TRAK1: variants seen among roughly 807,000 people sequenced by gnomAD.
TRAK1 encodes the protein trafficking kinesin-binding protein 1.
A neutral mutation model predicts 92.1 loss-of-function variants in TRAK1; 33 were observed. The observed-to-expected ratio is 0.36, with a 90% CI of 0.27 to 0.48. The LOEUF (loss-of-function observed/expected upper bound fraction) is 0.48. Ranked by LOEUF, TRAK1 falls within the 20% of genes least tolerant of loss-of-function variation. The pLI is 0.99. For synonymous variants in TRAK1, 521 were observed against 517.3 expected, an observed-to-expected ratio of 1.01 and a Z score of -0.10; for missense variants, 1,123 against 1,257.9, an observed-to-expected ratio of 0.89 and a Z score of 1.62.
At chr3:42,102,624 C>T (rs1417742194) in intron 1 of TRAK1, among the ~76,000 whole-genome samples, 2 of 152,200 alleles carry the variant, frequency 1.3e-5, no homozygotes, top group Admixed American at 1.3e-4. Context: ...AAGGGCTTCT[C>T]TGTCTGCTGA....
chr3:42,143,681 C>T (rs1487928215), intron 2 of TRAK1, among the ~76,000 whole-genome samples: 2 of 152,202 alleles, frequency 1.3e-5, no homozygotes, highest in South Asian at 4.2e-4. Context: ...TCCTGACTTT[C>T]TAGTGGCAGT....
At chr3:42,213,221 T>G (rs540673192) in intron 14 of TRAK1, among the ~76,000 whole-genome samples, 55 of 152,194 alleles carry the variant, frequency 3.6e-4, no homozygotes, top group Middle Eastern at 3.4e-3. Flanking sequence ...CCATTCCAGC[T>G]AATTTTTTGT....
At chr3:42,197,800 T>C (rs1003050269) in intron 10 of TRAK1, among the ~76,000 whole-genome samples, 1 of 152,232 alleles carries the variant, frequency 6.6e-6, no homozygotes, top group African/African-American at 2.4e-5. Context: ...CCCCGCTTGG[T>C]TCCAGCCTCC....
chr3:42,031,978 TA>T (rs1003952175), intron 1 of TRAK1, among the ~76,000 whole-genome samples: 3 of 152,060 alleles, frequency 2.0e-5, no homozygotes, highest in African/African-American at 7.2e-5. Context: ...CAGCATGGGT[TA>T]GGGGGCGGGG....
At chr3:42,071,304 C>A (rs530921504) in intron 1 of TRAK1, among the ~76,000 whole-genome samples, 1 of 152,286 alleles carries the variant, frequency 6.6e-6, no homozygotes, top group South Asian at 2.1e-4. Flanking sequence ...TTAACTTTAT[C>A]CTAGGCTGTG....
At chr3:42,167,101 G>A (rs1701967935) in intron 2 of TRAK1, among the ~76,000 whole-genome samples, 2 of 152,324 alleles carry the variant, frequency 1.3e-5, no homozygotes, top group Admixed American at 6.5e-5. Context: ...AGTAAGAGGC[G>A]CTGGCTTATC....
At chr3:42,162,645 GA>G (rs1309640728) in intron 2 of TRAK1, among the ~76,000 whole-genome samples, 3 of 152,200 alleles carry the variant, frequency 2.0e-5, no homozygotes, top group African/African-American at 7.2e-5. Flanking sequence ...GAGCAGTAGG[GA>G]GAAAGTTTAG....
At chr3:42,135,678 C>A (rs777564831) in intron 2 of TRAK1, among the ~76,000 whole-genome samples, 3 of 152,216 alleles carry the variant, frequency 2.0e-5, no homozygotes, top group African/African-American at 7.2e-5. Flanking sequence ...GTGGGAACAT[C>A]CCAGCTCTCT....
intron 2 of TRAK1, chr3:42,160,563 GT>G (rs1394896843): frequency 1.0e-6 from 1 of 1,002,192 alleles, no homozygotes; most frequent in Non-Finnish European, 1.4e-6. Context: ...GCACTGTTTT[GT>G]TTTTGTTTTT....
chr3:42,024,741 C>T (rs1185129343), intron 1 of TRAK1, among the ~76,000 whole-genome samples: 1 of 152,220 alleles, frequency 6.6e-6, no homozygotes, highest in African/African-American at 2.4e-5. Flanking sequence ...TGCTTGCATA[C>T]ACACCCATGC....
intron 1 of TRAK1, among the ~76,000 whole-genome samples, chr3:42,050,118 G>A (rs1244141137): frequency 6.6e-6 from 1 of 151,698 alleles, no homozygotes; most frequent in Non-Finnish European, 1.5e-5. Flanking sequence ...GCCCAGAGGG[G>A]AGCCCTCCAG....
chr3:42,214,540 TGAG>T (rs1390758722), intron 14 of TRAK1, among the ~76,000 whole-genome samples: 1 of 152,222 alleles, frequency 6.6e-6, no homozygotes, highest in Non-Finnish European at 1.5e-5. Context: ...CAGGGGCACT[TGAG>T]AGAATTTCTG....
chr3:42,028,039 C>T (rs1023041365), intron 1 of TRAK1, among the ~76,000 whole-genome samples: 4 of 151,980 alleles, frequency 2.6e-5, no homozygotes, highest in Non-Finnish European at 4.4e-5. Flanking sequence ...TTAGTAGAGA[C>T]GGGGTTTCAT....
chr3:42,055,756 C>T (rs773734118), intron 1 of TRAK1, among the ~76,000 whole-genome samples: 6 of 152,212 alleles, frequency 3.9e-5, no homozygotes, highest in Non-Finnish European at 5.9e-5. Flanking sequence ...AGCCACTGTG[C>T]CCGGCCATCC....
intron 1 of TRAK1, among the ~76,000 whole-genome samples, chr3:42,019,417 G>T (rs1347370632): frequency 6.6e-6 from 1 of 152,086 alleles, no homozygotes; most frequent in Non-Finnish European, 1.5e-5. Flanking sequence ...CATGCGTGCT[G>T]CCACACTTGG....
At chr3:42,151,649 G>C (rs1029673062) in intron 2 of TRAK1, among the ~76,000 whole-genome samples, 2 of 152,166 alleles carry the variant, frequency 1.3e-5, no homozygotes, top group Admixed American at 6.5e-5. Flanking sequence ...ACTGGTTTAG[G>C]AAACGTACAA....
In TRAK1 at chr3:42,223,893, A is replaced by T. The variant is rs905670796; in HGVS notation, c.*156A>T. On this transcript the variant is annotated 3_prime_UTR_variant, in exon 16 of 16. Transcript: ENST00000327628. The surrounding 1 kb of genome is among the most constrained non-coding windows in gnomAD (Gnocchi z 6.1). ...AATCAACCTCGTGCCTAATGGAGGA[A>T]GTGTGGAAACTTTGTAAAATGTGTA... 4 of 866,488 alleles carry T rather than the reference A, an allele frequency of 4.6e-6. No homozygotes were observed. The Admixed American group carries it at 1.1e-4, about 24-fold the overall frequency. 53.7% of individuals were successfully genotyped at this position (866,488 alleles called of 1,614,324 possible).
chr3:42,163,316 A>C (rs1701483213), intron 2 of TRAK1, among the ~76,000 whole-genome samples: 1 of 152,090 alleles, frequency 6.6e-6, no homozygotes, highest in Admixed American at 6.6e-5. Context: ...CACACCTGTA[A>C]TCCCAGCACT....
intron 1 of TRAK1, among the ~76,000 whole-genome samples, chr3:42,058,518 A>G (rs1383299747): frequency 6.6e-6 from 1 of 151,970 alleles, no homozygotes; most frequent in African/African-American, 2.4e-5. Flanking sequence ...TTTTTAATGT[A>G]TTTTTGGTAG....
Sources: gnomAD v4.1 joint callset for allele counts (sites outside exome capture counted in the v4.1 genomes callset) on GRCh38, gnomAD v4.1.1 for gene constraint, Gnocchi (gnomAD v3.1) non-coding constraint, MANE v1.5 for transcripts, NCBI Gene and HGNC (gene_info 2026-07-23, HGNC 2026-07-21) for gene names.